The following UBTD2 variants were observed in gnomAD, a reference collection of about 807,000 sequenced individuals.
UBTD2 encodes the protein ubiquitin domain containing 2.
UBTD2 carries 9 observed loss-of-function variants against 19.8 expected under a neutral mutation model. The observed-to-expected ratio is 0.46, with a 90% CI of 0.27 to 0.79. The LOEUF is 0.79. Among genes scored for constraint, UBTD2 ranks in the 30% least tolerant of loss-of-function variants. The pLI is 0.14. For synonymous variants in UBTD2, 98 were observed against 103.9 expected, an observed-to-expected ratio of 0.94 and a Z score of 0.35; for missense variants, 250 against 300.4, an observed-to-expected ratio of 0.83 and a Z score of 1.24.
chr5:172,224,214 GGGA>G (rs1386804311), intron 2 of UBTD2, among the ~76,000 whole-genome samples: 2 of 152,006 alleles, frequency 1.3e-5, no homozygotes, highest in Non-Finnish European at 2.9e-5. Flanking sequence ...GAGGCCTGGT[GGGA>G]GGTGACTGGA....
intron 2 of UBTD2, among the ~76,000 whole-genome samples, chr5:172,232,208 G>A (rs938549462): frequency 6.6e-6 from 1 of 152,002 alleles, no homozygotes; most frequent in African/African-American, 2.4e-5. Flanking sequence ...GGGAGGTGGA[G>A]GTTACAGTAA....
intron 1 of UBTD2, among the ~76,000 whole-genome samples, chr5:172,253,457 AT>A (rs11292185): frequency 0.13 from 18,813 of 145,678 alleles, 1,216 homozygotes; most frequent in East Asian, 0.27. Context: ...AACCCTATCA[AT>A]TTTTTTTTTT....
At chr5:172,226,891 T>C (rs1453494230) in intron 2 of UBTD2, among the ~76,000 whole-genome samples, 13 of 152,234 alleles carry the variant, frequency 8.5e-5, no homozygotes, top group Admixed American at 7.9e-4. Flanking sequence ...TCATCTCTTT[T>C]AGTAAACATA....
intron 2 of UBTD2, among the ~76,000 whole-genome samples, chr5:172,227,554 T>A (rs1219064557): frequency 6.6e-6 from 1 of 152,102 alleles, no homozygotes; most frequent in Non-Finnish European, 1.5e-5. Flanking sequence ...ATTTTTTTTT[T>A]TTGTATTTTT....
chr5:172,271,900 T>TA (rs748490855), intron 1 of UBTD2, among the ~76,000 whole-genome samples: 16 of 152,148 alleles, frequency 1.1e-4, no homozygotes, highest in Non-Finnish European at 1.9e-4. Context: ...AAAAAAAACT[T>TA]AAAGGTTTTA....
At chr5:172,231,360 C>T (rs1036625673) in intron 2 of UBTD2, among the ~76,000 whole-genome samples, 1 of 152,144 alleles carries the variant, frequency 6.6e-6, no homozygotes, top group African/African-American at 2.4e-5. Context: ...TTGATTATTC[C>T]ATGCTTAAGG....
intron 1 of UBTD2, among the ~76,000 whole-genome samples, chr5:172,267,740 T>C (rs1378888343): frequency 2.0e-5 from 3 of 151,972 alleles, no homozygotes; most frequent in Non-Finnish European, 4.4e-5. Flanking sequence ...AAATAAAATA[T>C]AAAGAAATCA....
chr5:172,270,546 C>G (rs952419687), intron 1 of UBTD2, among the ~76,000 whole-genome samples: 3 of 151,646 alleles, frequency 2.0e-5, no homozygotes, highest in Non-Finnish European at 4.4e-5. Context: ...TAGTAAAAGA[C>G]GGGGTTTCAA....
At chr5:172,245,795 C>A (rs1388561228) in intron 1 of UBTD2, among the ~76,000 whole-genome samples, 1 of 152,032 alleles carries the variant, frequency 6.6e-6, no homozygotes, top group African/African-American at 2.4e-5. Flanking sequence ...ATGTGCTGTG[C>A]ACAAAGCAAA....
intron 2 of UBTD2, among the ~76,000 whole-genome samples, chr5:172,224,359 G>A (rs1422701562): frequency 6.7e-6 from 1 of 149,554 alleles, no homozygotes; most frequent in Non-Finnish European, 1.5e-5. Flanking sequence ...GAGTGAGGTG[G>A]CACAATCTCA....
intron 2 of UBTD2, among the ~76,000 whole-genome samples, chr5:172,227,282 C>T (rs185205130): frequency 1.3e-5 from 2 of 152,238 alleles, no homozygotes; most frequent in East Asian, 3.9e-4. Context: ...AAAAGGTTGA[C>T]AACAGCAGAG....
chr5:172,255,278 G>T (rs750232278), intron 1 of UBTD2: 20 of 448,602 alleles, frequency 4.5e-5, no homozygotes, highest in Non-Finnish European at 9.0e-5. Context: ...CCATGCCACA[G>T]GCCTTCTAGG....
intron 2 of UBTD2, among the ~76,000 whole-genome samples, chr5:172,224,996 T>C (rs1055410016): frequency 5.9e-5 from 9 of 152,192 alleles, no homozygotes; most frequent in Non-Finnish European, 7.4e-5. Context: ...CCACCAAGGG[T>C]GCAGTTCATT....
intron 1 of UBTD2, among the ~76,000 whole-genome samples, chr5:172,264,865 G>C (rs564797119): frequency 6.6e-6 from 1 of 151,964 alleles, no homozygotes; most frequent in Non-Finnish European, 1.5e-5. Context: ...GACAGAGGGG[G>C]ACCCCATCTC....
intron 1 of UBTD2, among the ~76,000 whole-genome samples, chr5:172,241,583 A>G (rs917636529): frequency 1.3e-5 from 2 of 152,186 alleles, no homozygotes; most frequent in African/African-American, 2.4e-5. Flanking sequence ...ATATAATTAG[A>G]TTATATATAT....
intron 1 of UBTD2, among the ~76,000 whole-genome samples, chr5:172,235,232 G>A (rs992188517): frequency 1.3e-5 from 2 of 152,116 alleles, no homozygotes; most frequent in African/African-American, 2.4e-5. Context: ...GGAAGCAAAC[G>A]GCAATAGTAG....
At chr5:172,241,060 T>A (rs1234552581) in intron 1 of UBTD2, among the ~76,000 whole-genome samples, 2 of 152,134 alleles carry the variant, frequency 1.3e-5, no homozygotes, top group African/African-American at 4.8e-5. Flanking sequence ...AACTTTTTTT[T>A]TTTTTTATTG....
intron 1 of UBTD2, among the ~76,000 whole-genome samples, chr5:172,253,031 C>T (rs1367788247): frequency 6.6e-6 from 1 of 152,014 alleles, no homozygotes; most frequent in African/African-American, 2.4e-5. Context: ...GTCACTTAAT[C>T]TTTTGTTTTG....
intron 1 of UBTD2, among the ~76,000 whole-genome samples, chr5:172,245,017 C>T (rs751959496): frequency 2.1e-4 from 32 of 152,278 alleles, no homozygotes; most frequent in Non-Finnish European, 4.0e-4. Flanking sequence ...GCATGAGCCA[C>T]CGGGCCCAGC....
Sources: allele counts gnomAD v4.1 joint callset (sites outside exome capture counted in the v4.1 genomes callset), GRCh38; gene constraint gnomAD v4.1.1; transcripts MANE v1.5; gene names NCBI Gene and HGNC (gene_info 2026-07-23, HGNC 2026-07-21).